The following PRDM10 variants were observed in gnomAD, a reference collection of about 807,000 sequenced individuals.
The protein encoded by PRDM10 is PR domain zinc finger protein 10.
A neutral mutation model predicts 133.1 loss-of-function variants in PRDM10; 65 were observed. The observed-to-expected ratio is 0.49, with a 90% CI of 0.40 to 0.60. PRDM10 has a LOEUF of 0.60. Among genes scored for constraint, PRDM10 ranks in the 20% least tolerant of loss-of-function variants. The pLI, the probability that PRDM10 is intolerant of heterozygous loss-of-function variation, is 0.00. For synonymous variants in PRDM10, 582 were observed against 580.4 expected (o/e 1.00, Z -0.04); for missense variants, 1,137 against 1,507.1 (o/e 0.75, Z 4.07).
At position 129,947,542 on chromosome 11, in the gene PRDM10, G is replaced by A; in HGVS notation, c.295-172C>T. 1 of 1,471,810 alleles carries A rather than the reference G, an allele frequency of 6.8e-7. No homozygotes were observed. The highest frequency in any genetic ancestry group is 9.0e-7 in the Non-Finnish European group (1 of 1,115,910). 91.2% of individuals were successfully genotyped at this position (1,471,810 alleles called of 1,614,324 possible). ...ATCTACCGGCTGTGAGGAAGAGCTG[G>A]CTTCATTTTTGATCTGACTGCTCAC... On this transcript the variant is annotated intron_variant, in intron 4 of 20. Transcript: ENST00000360871. The surrounding 1 kb of genome is among the most constrained non-coding windows in gnomAD (Gnocchi z 4.6).
intron 1 of PRDM10, among the ~76,000 whole-genome samples, chr11:129,968,922 C>G (rs1951959818): frequency 6.6e-6 from 1 of 152,172 alleles, no homozygotes; most frequent in African/African-American, 2.4e-5. Flanking sequence ...AAAAAATTAA[C>G]ACAGCAGCCA....
At position 129,938,494 on chromosome 11, in the gene PRDM10, G is replaced by A. The variant is rs538966960; in HGVS notation, c.967-824C>T. Among the ~76,000 whole-genome samples, 8 of 152,140 alleles carry A rather than the reference G, an allele frequency of 5.3e-5. No individual in the cohort carries two copies. In the South Asian group the frequency reaches 8.3e-4, roughly 16 times the overall value. On this transcript the variant is annotated intron_variant, in intron 7 of 20. Transcript: ENST00000360871. ...CTATATGCCTTTAGCAAGGACTACC[G>A]CTCCCTCGATTGTTCTCCATCCCCG...
intron 10 of PRDM10, among the ~76,000 whole-genome samples, chr11:129,931,574 T>TA (rs777510388): frequency 3.0e-5 from 4 of 133,830 alleles, no homozygotes; most frequent in African/African-American, 5.5e-5. Flanking sequence ...TTATTTTATT[T>TA]TATTTTTTTT....
chr11:130,002,005 G>T (rs905648712), intron 1 of PRDM10, among the ~76,000 whole-genome samples: 1 of 151,504 alleles, frequency 6.6e-6, no homozygotes, highest in Non-Finnish European at 1.5e-5. Flanking sequence ...CAGGCCGGGG[G>T]CCCAGCCATC....
At chr11:129,957,626 GATCTT>G (rs1951720912) in intron 3 of PRDM10, 115 bp downstream of exon 3, 1 of 1,278,712 alleles carries the variant, frequency 7.8e-7, no homozygotes, top group Non-Finnish European at 1.1e-6. Flanking sequence ...TGAGAGCACA[GATCTT>G]ATCTGAATAC....
rs114147487 is a variant in PRDM10 at position 129,976,306 on chromosome 11, C to A, written c.-118-15224G>T. On this transcript the variant is annotated intron_variant, in intron 1 of 20. Coordinates refer to ENST00000360871, the MANE Select transcript of PRDM10 (RefSeq NM_199437.2). ...TCCATACCCCACTGGCCAACTAGAACCCACCATCAAGCAAAGGCTGTCGCT... is the reference window on the plus strand; with the variant it reads ...TCCATACCCCACTGGCCAACTAGAAACCACCATCAAGCAAAGGCTGTCGCT... Among the ~76,000 whole-genome samples the A allele has an allele frequency of 4.4e-3, 677 of 152,240 alleles. 1 individual carries two copies. Among genetic ancestry groups the A allele is most frequent in the African/African-American group, 0.015 (624 of 41,524 alleles).
chr11:129,928,662 C>T (rs1178335825), intron 11 of PRDM10, among the ~76,000 whole-genome samples: 3 of 152,002 alleles, frequency 2.0e-5, no homozygotes, highest in African/African-American at 7.2e-5. Context: ...CCCAAAGTGC[C>T]GAGATTATAG....
intron 1 of PRDM10, among the ~76,000 whole-genome samples, chr11:130,000,162 G>C (rs1160264202): frequency 6.6e-6 from 1 of 151,254 alleles, no homozygotes; most frequent in Non-Finnish European, 1.5e-5. Context: ...TCCTGCCTCA[G>C]CCTCCCGAGT....
intron 1 of PRDM10, among the ~76,000 whole-genome samples, chr11:129,964,213 C>G (rs926996643): frequency 1.3e-5 from 2 of 152,122 alleles, no homozygotes; most frequent in African/African-American, 4.8e-5. Context: ...CTGCGGGGAT[C>G]GGCAGGTACA....
chr11:129,957,633 T>C, intron 3 of PRDM10, 113 bp downstream of exon 3: 1 of 1,322,626 alleles, frequency 7.6e-7, no homozygotes, highest in Non-Finnish European at 1.0e-6. Context: ...ACAGATCTTA[T>C]CTGAATACGT....
At chr11:129,964,947 T>C (rs1951874046) in intron 1 of PRDM10, among the ~76,000 whole-genome samples, 1 of 152,202 alleles carries the variant, frequency 6.6e-6, no homozygotes, top group South Asian at 2.1e-4. Context: ...TATATCAATT[T>C]TCATATTTCA....
intron 1 of PRDM10, among the ~76,000 whole-genome samples, chr11:129,968,240 C>T (rs1344373323): frequency 2.6e-5 from 4 of 152,192 alleles, no homozygotes; most frequent in African/African-American, 4.8e-5. Context: ...ATGCCAGACA[C>T]GTCATTATTG....
intron 15 of PRDM10, 52 bp downstream of exon 15, chr11:129,917,075 G>T (rs767436185): frequency 8.9e-6 from 12 of 1,344,296 alleles, no homozygotes; most frequent in Non-Finnish European, 1.3e-5. Context: ...GGACAAGTCA[G>T]CTCTAAGCAG....
intron 11 of PRDM10, among the ~76,000 whole-genome samples, chr11:129,927,354 G>A (rs556304368): frequency 4.6e-5 from 7 of 152,054 alleles, no homozygotes; most frequent in Non-Finnish European, 7.4e-5. Flanking sequence ...AAAACTTTAC[G>A]GAAATATTGC....
At chr11:129,908,000 T>TGGG (rs77813855) in intron 19 of PRDM10, among the ~76,000 whole-genome samples, 4 of 152,098 alleles carry the variant, frequency 2.6e-5, no homozygotes, top group Admixed American at 2.6e-4. Flanking sequence ...ACTGGGAGGC[T>TGGG]GGGGCAGGAG....
intron 1 of PRDM10, among the ~76,000 whole-genome samples, chr11:129,993,576 C>T (rs541744771): frequency 6.6e-6 from 1 of 152,236 alleles, no homozygotes; most frequent in East Asian, 1.9e-4. Flanking sequence ...GCTCTGCCTC[C>T]TGGGTTCACA....
At chr11:129,937,893 A>G (rs552855101) in intron 7 of PRDM10, among the ~76,000 whole-genome samples, 1 of 152,352 alleles carries the variant, frequency 6.6e-6, no homozygotes, top group Admixed American at 6.5e-5. Context: ...TTTTCAGAAA[A>G]TGGTTTCTGT....
chr11:129,963,100 G>C (rs1412473300), intron 1 of PRDM10, among the ~76,000 whole-genome samples: 1 of 149,122 alleles, frequency 6.7e-6, no homozygotes, highest in African/African-American at 2.5e-5. Flanking sequence ...AGTGAGCCTA[G>C]ATCACACCAC....
rs1295609653 is a variant in PRDM10, at chr11:129,923,901, C to G, written c.1879-498G>C. On this transcript the variant is annotated intron_variant, in intron 12 of 20. Transcript: ENST00000360871. This position sits in a 1 kb window ranked among gnomAD's most constrained non-coding sequence, Gnocchi z 4.4. ...TTACATCTTCTTATAAAATTAAGTT[C>G]TGAAGAATTAAAGACATGAATGAGT... Among the ~76,000 whole-genome samples, 1 of 152,186 alleles carries G rather than the reference C, an allele frequency of 6.6e-6. No individual in the cohort carries two copies. The highest frequency in any genetic ancestry group is 1.5e-5 in the Non-Finnish European group (1 of 68,044).
Sources: allele counts gnomAD v4.1 joint callset (sites outside exome capture counted in the v4.1 genomes callset), GRCh38; gene constraint gnomAD v4.1.1; non-coding constraint Gnocchi (gnomAD v3.1); transcripts MANE v1.5; gene names NCBI Gene and HGNC (gene_info 2026-07-23, HGNC 2026-07-21).